ARID3C: variants seen among roughly 807,000 people sequenced by gnomAD.
ARID3C encodes the protein AT-rich interactive domain-containing protein 3C.
Under a neutral mutation model 37.9 loss-of-function variants are expected in ARID3C, and 42 were observed. The ratio of observed to expected loss-of-function variants is 1.11; its 90% confidence interval spans 0.87 to 1.43. The LOEUF (loss-of-function observed/expected upper bound fraction) is 1.43. Among genes scored for constraint, ARID3C ranks in the 40% most tolerant of loss-of-function variants. ARID3C has a pLI of 0.00. For synonymous variants in ARID3C, 213 were observed against 228.0 expected (o/e 0.93, Z 0.59); for missense variants, 581 against 548.8 (o/e 1.06, Z -0.59).
exon 1 of ARID3C, chr9:34,627,745 G>A: frequency 6.2e-7 from 1 of 1,614,118 alleles, no homozygotes; most frequent in Non-Finnish European, 8.5e-7. Context: ...GGAGTCCAGG[G>A]GGCTGGCTAG....
At chr9:34,622,023 T>TGCA (rs767832974) in exon 6 of ARID3C, 1 of 1,614,066 alleles carries the variant, frequency 6.2e-7, no homozygotes, top group Non-Finnish European at 8.5e-7. Flanking sequence ...CCCATACCAG[T>TGCA]GTAGACCACC....
chr9:34,624,791 C>A (rs1820632596), intron 2 of ARID3C, among the ~76,000 whole-genome samples: 1 of 152,202 alleles, frequency 6.6e-6, no homozygotes, highest in Non-Finnish European at 1.5e-5. Flanking sequence ...AATTATCGGC[C>A]CCGCGGGACC....
upstream of ARID3C, among the ~76,000 whole-genome samples, chr9:34,631,940 A>G (rs1820726321): frequency 6.6e-6 from 1 of 152,220 alleles, no homozygotes; most frequent in Admixed American, 6.5e-5. Context: ...GATTGCTTGT[A>G]TGTCCTCTCA....
At chr9:34,633,003 A>T (rs1003770380), upstream of ARID3C, among the ~76,000 whole-genome samples, 7 of 152,076 alleles carry the variant, frequency 4.6e-5, no homozygotes, top group East Asian at 3.9e-4. Flanking sequence ...AAGAGGTTTG[A>T]GGACTAAGCC....
At chr9:34,622,641 A>C in intron 4 of ARID3C, 112 bp from the exon 6 acceptor site, 2 of 1,096,988 alleles carry the variant, frequency 1.8e-6, no homozygotes, top group Non-Finnish European at 2.5e-6. Flanking sequence ...CCAATCTCTC[A>C]TCCTTCATTC....
intron 1 of ARID3C, 25 bp downstream of exon 2, chr9:34,627,672 C>T (rs780898521): frequency 1.9e-6 from 3 of 1,561,806 alleles, no homozygotes; most frequent in African/African-American, 2.7e-5. Context: ...GGAAGAGGGC[C>T]GGACATTGAG....
At chr9:34,629,706 CTT>C (rs1820705776), upstream of ARID3C, among the ~76,000 whole-genome samples, 1 of 152,116 alleles carries the variant, frequency 6.6e-6, no homozygotes, top group African/African-American at 2.4e-5. Flanking sequence ...GTTTTTGTCT[CTT>C]TTGACATTCT....
At chr9:34,631,005 G>T (rs1820718313), upstream of ARID3C, among the ~76,000 whole-genome samples, 1 of 152,182 alleles carries the variant, frequency 6.6e-6, no homozygotes, top group African/African-American at 2.4e-5. Flanking sequence ...GAGAATCAGT[G>T]AATGTGCCAG....
At chr9:34,624,197 C>A in intron 2 of ARID3C, 150 bp from the exon 4 acceptor site, 3 of 941,088 alleles carry the variant, frequency 3.2e-6, no homozygotes, top group Non-Finnish European at 3.0e-6. Context: ...TCTGTTTTAG[C>A]AAGAAGGACA....
chr9:34,628,048 G>T lies in ARID3C; in HGVS notation c.-34C>A. 1 of 1,453,004 alleles carries T rather than the reference G, an allele frequency of 6.9e-7. No homozygotes were observed. The highest frequency in any genetic ancestry group is 1.5e-5 in the South Asian group (1 of 68,834). 90.0% of individuals were successfully genotyped at this position (1,453,004 alleles called of 1,614,324 possible). ...CCAGGCGCAGTCCCCCAGCTGAGGG[G>T]GTCCCTGGTACCAGGCGGGACCCCG... On this transcript the variant is annotated 5_prime_UTR_variant, in exon 1 of 7. Transcript: ENST00000378909. The surrounding 1 kb of genome is among the most constrained non-coding windows in gnomAD (Gnocchi z 5.2).
chr9:34,625,474 T>C (rs956224378), intron 2 of ARID3C, among the ~76,000 whole-genome samples: 1 of 152,194 alleles, frequency 6.6e-6, no homozygotes, highest in African/African-American at 2.4e-5. Flanking sequence ...CCTCTGATTC[T>C]GGGACCCTCC....
At chr9:34,629,058 C>T (rs1820698045), upstream of ARID3C, among the ~76,000 whole-genome samples, 1 of 152,028 alleles carries the variant, frequency 6.6e-6, no homozygotes, top group Non-Finnish European at 1.5e-5. Flanking sequence ...TGCGCTCACT[C>T]GCCGCGCTGC....
At chr9:34,623,519 C>G (rs574056651) in exon 4 of ARID3C, 1 of 1,562,094 alleles carries the variant, frequency 6.4e-7, no homozygotes, top group African/African-American at 1.4e-5. Context: ...ACTGGGTCGC[C>G]GGAGGGGCGG....
upstream of ARID3C, among the ~76,000 whole-genome samples, chr9:34,631,388 C>T (rs1820722085): frequency 6.6e-6 from 1 of 152,196 alleles, no homozygotes; most frequent in Non-Finnish European, 1.5e-5. Context: ...CTTGGTTTAT[C>T]TCTCTTCATC....
intron 2 of ARID3C, among the ~76,000 whole-genome samples, chr9:34,624,981 T>C (rs1158229163): frequency 4.0e-5 from 6 of 148,372 alleles, no homozygotes; most frequent in African/African-American, 1.5e-4. Flanking sequence ...CTACTGAGGG[T>C]CCCTGGGAAG....
chr9:34,631,139 G>C (rs1004105789), upstream of ARID3C, among the ~76,000 whole-genome samples: 1 of 152,188 alleles, frequency 6.6e-6, no homozygotes, highest in African/African-American at 2.4e-5. Context: ...GCTCAGAGGA[G>C]GTCCATGGAC....
chr9:34,624,222 G>GGC (rs1820624682), intron 2 of ARID3C, among the ~76,000 whole-genome samples, 175 bp from the exon 4 acceptor site: 2 of 151,852 alleles, frequency 1.3e-5, no homozygotes, highest in South Asian at 2.1e-4. Context: ...GCTAGAACGG[G>GGC]GGGGGGCAAA....
chr9:34,624,068 G>C (rs1820621866), intron 2 of ARID3C, 21 bp from the exon 4 acceptor site: 4 of 1,564,142 alleles, frequency 2.6e-6, no homozygotes, highest in Non-Finnish European at 3.5e-6. Flanking sequence ...GCGGGCTGCC[G>C]TCAGGACACT....
upstream of ARID3C, chr9:34,628,215 G>C: frequency 4.7e-6 from 3 of 635,138 alleles, no homozygotes; most frequent in Non-Finnish European, 5.0e-6. This position sits in a 1 kb window ranked among gnomAD's most constrained non-coding sequence, Gnocchi z 5.2. Context: ...GGCTTTCCCA[G>C]AGGTGAACAG....
Sources: gnomAD v4.1 joint callset for allele counts (sites outside exome capture counted in the v4.1 genomes callset) on GRCh38, gnomAD v4.1.1 for gene constraint, Gnocchi (gnomAD v3.1) non-coding constraint, MANE v1.5 for transcripts, NCBI Gene and HGNC (gene_info 2026-07-23, HGNC 2026-07-21) for gene names.